Variants in BMPR1B observed in about 807,000 individuals in gnomAD.
BMPR1B encodes the protein bone morphogenetic protein receptor type 1B.
BMPR1B carries 12 observed loss-of-function variants against 59.1 expected under a neutral mutation model. The observed-to-expected ratio is 0.20, with a 90% CI of 0.13 to 0.33. The LOEUF is 0.33. Ranked by LOEUF, BMPR1B falls within the 10% of genes least tolerant of loss-of-function variation. The probability of loss-of-function intolerance (pLI) is 1.00; values close to 1 mark genes in which losing one functional copy is unlikely to be tolerated. For synonymous variants in BMPR1B, 237 were observed against 207.3 expected, an observed-to-expected ratio of 1.14 and a Z score of -1.23; for missense variants, 550 against 610.9, an observed-to-expected ratio of 0.90 and a Z score of 1.05.
At chr4:94,832,642 A>T (rs1326143525) in intron 1 of BMPR1B, among the ~76,000 whole-genome samples, 8 of 151,814 alleles carry the variant, frequency 5.3e-5, no homozygotes, top group Non-Finnish European at 1.2e-4. Context: ...AATCAGCCAG[A>T]CCTGGTGGTG....
chr4:94,799,987 G>C (rs1039892695), intron 1 of BMPR1B, among the ~76,000 whole-genome samples: 3 of 152,222 alleles, frequency 2.0e-5, no homozygotes, highest in African/African-American at 7.2e-5. Flanking sequence ...ACTGTGCCCA[G>C]CTTCAGTGGG....
chr4:95,063,812 G>C (rs1388219113), intron 3 of BMPR1B, among the ~76,000 whole-genome samples: 1 of 151,834 alleles, frequency 6.6e-6, no homozygotes, highest in Non-Finnish European at 1.5e-5. Context: ...TCAAGAAGGA[G>C]AAAAATGAAA....
intron 1 of BMPR1B, among the ~76,000 whole-genome samples, chr4:94,855,963 G>T (rs981614348): frequency 6.6e-6 from 1 of 152,080 alleles, no homozygotes; most frequent in Non-Finnish European, 1.5e-5. Flanking sequence ...ATAAAACTTC[G>T]AATAACTTTG....
chr4:94,977,718 A>G (rs768957004), intron 2 of BMPR1B, among the ~76,000 whole-genome samples: 9 of 152,084 alleles, frequency 5.9e-5, no homozygotes, highest in East Asian at 1.9e-4. Context: ...TTAGCTGGGC[A>G]TGGTGGCGCG....
At chr4:94,999,074 C>T (rs1578902761) in intron 3 of BMPR1B, among the ~76,000 whole-genome samples, 1 of 152,252 alleles carries the variant, frequency 6.6e-6, no homozygotes, top group Admixed American at 6.5e-5. Context: ...GACTCTGTGA[C>T]TTGGCCTCCT....
intron 2 of BMPR1B, among the ~76,000 whole-genome samples, chr4:94,948,378 C>T (rs1208480125): frequency 6.6e-6 from 1 of 152,140 alleles, no homozygotes; most frequent in East Asian, 1.9e-4. Context: ...CCAGAGAGAG[C>T]AAGGAGGCAT....
intron 2 of BMPR1B, among the ~76,000 whole-genome samples, chr4:94,971,117 A>C (rs1343090663): frequency 6.6e-6 from 1 of 152,122 alleles, no homozygotes; most frequent in African/African-American, 2.4e-5. Context: ...CTTATGTTTC[A>C]ATGTTTTGGA....
chr4:94,897,892 A>G (rs894340113), intron 2 of BMPR1B, among the ~76,000 whole-genome samples: 13 of 151,096 alleles, frequency 8.6e-5, no homozygotes, highest in Non-Finnish European at 1.5e-5. Flanking sequence ...ACTGAGTCCA[A>G]GGGTAGGAGT....
At position 95,117,511 on chromosome 4, in the gene BMPR1B, A is replaced by G. The variant is rs559266068; in HGVS notation, c.349+1724A>G. Among the ~76,000 whole-genome samples, 731 of 152,182 alleles carry G rather than the reference A, an allele frequency of 4.8e-3. 8 individuals carry two copies. The highest frequency in any genetic ancestry group is 0.017 in the African/African-American group (689 of 41,534). ...ATTAAGAGAGATGAGGGCTGGGCAC[A>G]GTGGCTCACACCTGTAATCTCAGCA... On this transcript the variant is annotated intron_variant, in intron 6 of 12. Transcript: ENST00000515059.
intron 2 of BMPR1B, among the ~76,000 whole-genome samples, chr4:94,967,865 A>G (rs1730612539): frequency 1.3e-5 from 2 of 152,214 alleles, no homozygotes; most frequent in Non-Finnish European, 2.9e-5. Context: ...CAGTAAGAAT[A>G]CGCTATTCAT....
intron 3 of BMPR1B, among the ~76,000 whole-genome samples, chr4:95,017,721 A>G (rs1723679751): frequency 6.6e-6 from 1 of 151,994 alleles, no homozygotes; most frequent in Non-Finnish European, 1.5e-5. Flanking sequence ...TGTTATTCCC[A>G]TTTTTCAATG....
intron 8 of BMPR1B, among the ~76,000 whole-genome samples, chr4:95,127,353 G>A (rs76295381): frequency 0.038 from 5,834 of 151,886 alleles, 173 homozygotes; most frequent in Middle Eastern, 0.099. Flanking sequence ...ATATTTTTAG[G>A]TCCTTACATG....
intron 3 of BMPR1B, among the ~76,000 whole-genome samples, chr4:95,044,511 G>A (rs143884989): frequency 5.3e-5 from 8 of 152,296 alleles, no homozygotes; most frequent in Non-Finnish European, 1.0e-4. Context: ...GTCATATCCC[G>A]TAAGTAAGAA....
chr4:94,993,518 G>T (rs974439818), intron 2 of BMPR1B, among the ~76,000 whole-genome samples: 1 of 151,970 alleles, frequency 6.6e-6, no homozygotes, highest in Non-Finnish European at 1.5e-5. Flanking sequence ...CCAGCACTTT[G>T]GGAGGCCGAG....
rs148603233 is a variant in BMPR1B, at chr4:95,104,496, C to T, written c.72C>T (p.Thr24=). The change falls in exon 4 of 13, where the codon ACC becomes ACT. Residue 24 remains threonine, a synonymous_variant. Coordinates refer to ENST00000515059, the MANE Select transcript of BMPR1B (RefSeq NM_001203.3). ...KKEDGESTAP[T]PRPKVLRCKC... is the part of the protein sequence containing the mutation. ...AGGATGGTGAGAGTACAGCCCCCAC[C>T]CCCCGTCCAAAGGTCTTGCGTTGTA... 5.6e-6 allele frequency: 9 copies of T among 1,613,374 alleles called. No homozygotes were observed. The East Asian group carries it at 6.7e-5, about 12-fold the overall frequency.
At chr4:94,887,561 T>G (rs1459946879) in intron 2 of BMPR1B, among the ~76,000 whole-genome samples, 1 of 151,892 alleles carries the variant, frequency 6.6e-6, no homozygotes, top group Non-Finnish European at 1.5e-5. Flanking sequence ...GAAAAACTAC[T>G]GTATTGAACT....
chr4:95,002,354 A>T lies in BMPR1B; in HGVS notation c.-18+6220A>T, dbSNP rs555613042. On this transcript the variant is annotated intron_variant, in intron 3 of 12. Coordinates refer to ENST00000515059, the MANE Select transcript of BMPR1B (RefSeq NM_001203.3). ...CAGTGTAGTACCATGGTGCATATGT[A>T]CCACATTTTCTTTATCCATCCACTG... 7.9e-5 allele frequency among the ~76,000 whole-genome samples: 12 copies of T among 152,302 alleles called. No homozygotes were observed. The South Asian group carries it at 2.3e-3, about 29-fold the overall frequency.
intron 1 of BMPR1B, among the ~76,000 whole-genome samples, chr4:94,835,846 T>C (rs1724787358): frequency 6.6e-6 from 1 of 151,568 alleles, no homozygotes; most frequent in Non-Finnish European, 1.5e-5. Context: ...GCCATGCTGG[T>C]GCGCTGCACC....
At chr4:95,057,072 A>C (rs548623008) in intron 3 of BMPR1B, among the ~76,000 whole-genome samples, 1 of 152,284 alleles carries the variant, frequency 6.6e-6, no homozygotes, top group East Asian at 1.9e-4. Context: ...CAGAAGAACA[A>C]ACTCTGTCCA....
Sources: gnomAD v4.1 joint callset for allele counts (sites outside exome capture counted in the v4.1 genomes callset) on GRCh38, gnomAD v4.1.1 for gene constraint, MANE v1.5 for transcripts, NCBI Gene and HGNC (gene_info 2026-07-23, HGNC 2026-07-21) for gene names.